Variants in ATP2A3 observed in about 807,000 individuals in gnomAD.
ATP2A3 encodes the protein sarcoplasmic/endoplasmic reticulum calcium ATPase 3.
Under a neutral mutation model 106.8 loss-of-function variants are expected in ATP2A3, and 61 were observed. The observed-to-expected ratio is 0.57, with a 90% CI of 0.46 to 0.71. The LOEUF (loss-of-function observed/expected upper bound fraction) is 0.71. Among genes scored for constraint, ATP2A3 ranks in the 30% least tolerant of loss-of-function variants. The probability of loss-of-function intolerance (pLI) is 0.00; values close to 1 mark genes in which losing one functional copy is unlikely to be tolerated. For missense variants in ATP2A3, 1,201 were observed against 1,423.5 expected, an observed-to-expected ratio of 0.84 and a Z score of 2.52; for synonymous variants, 611 against 609.3, an observed-to-expected ratio of 1.00 and a Z score of -0.04.
chr17:3,938,016 CG>C (rs1439384406), intron 14 of ATP2A3, among the ~76,000 whole-genome samples: 10 of 152,068 alleles, frequency 6.6e-5, no homozygotes, highest in South Asian at 4.1e-4. Flanking sequence ...GGGGATGGCC[CG>C]GGTAAAGAGC....
In ATP2A3 at chr17:3,938,548, T is replaced by A. The variant is rs140984226; in HGVS notation, c.2101-912A>T. On this transcript the variant is annotated intron_variant, in intron 14 of 20. Coordinates refer to ENST00000397041, the MANE Select transcript of ATP2A3 (RefSeq NM_005173.4). ...TCTTGGTCCAGGTCAAGACTGGAAT[T>A]CTTTTTTTTTGGTGGGGGACAGAGT... 3.6e-3 allele frequency among the ~76,000 whole-genome samples: 544 copies of A among 151,956 alleles called. 12 individuals are homozygous for A. The East Asian group carries it at 0.055, about 15-fold the overall frequency.
chr17:3,948,241 C>T (rs1235318054), intron 7 of ATP2A3, among the ~76,000 whole-genome samples: 1 of 152,250 alleles, frequency 6.6e-6, no homozygotes, highest in South Asian at 2.1e-4. Context: ...ACCCAATAAA[C>T]AGTCCATTAA....
At chr17:3,946,286 T>C (rs2054113840) in intron 8 of ATP2A3, among the ~76,000 whole-genome samples, 1 of 149,506 alleles carries the variant, frequency 6.7e-6, no homozygotes, top group Non-Finnish European at 1.5e-5. Flanking sequence ...GCACGGTGGC[T>C]CAGGGCTGAA....
At position 3,947,796 on chromosome 17, in the gene ATP2A3, C is replaced by T. The variant is rs1373173025; in HGVS notation, c.690G>A (p.Thr230=). 1.9e-5 allele frequency: 31 copies of T among 1,601,026 alleles called. No homozygotes were observed. Among genetic ancestry groups the T allele is most frequent in the African/African-American group, 2.7e-5 (2 of 74,958 alleles). ...TCTGGCTCCGGATCTTGCCCAGCTC[C>T]GTGTGCAGGCCGGTGGCCACGGCCA... ...VGVAVATGLH[T]ELGKIRSQMA... is the part of the protein sequence containing the mutation. The change falls in exon 8 of 21, where the codon ACG becomes ACA. Residue 230 remains threonine, a synonymous_variant. Coordinates refer to ENST00000397041, the MANE Select transcript of ATP2A3 (RefSeq NM_005173.4). This position sits in a 1 kb window ranked among gnomAD's most constrained non-coding sequence, Gnocchi z 7.7.
chr17:3,941,764 G>A, intron 12 of ATP2A3, 110 bp from the exon 13 acceptor site: 1 of 1,121,852 alleles, frequency 8.9e-7, no homozygotes, highest in Admixed American at 2.0e-5. Context: ...GGCCACCCAA[G>A]GGTACACACG....
chr17:3,924,487 C>G lies in ATP2A3; in HGVS notation c.*935G>C, dbSNP rs554696338. On this transcript the variant is annotated 3_prime_UTR_variant, in exon 21 of 21. Transcript: ENST00000397041. This position sits in a 1 kb window ranked among gnomAD's most constrained non-coding sequence, Gnocchi z 6.4. ...GAAGCCCACCAGGCTCAGAGGCCCC[C>G]AGCTGTGCAGACAGCGCGGCGGCCG... 3.6e-3 allele frequency: 1,030 copies of G among 283,972 alleles called. 1 individual carries two copies. The highest frequency in any genetic ancestry group is 5.9e-3 in the Non-Finnish European group (833 of 141,696). 17.6% of individuals were successfully genotyped at this position (283,972 alleles called of 1,614,324 possible).
Position 3,941,667 on chromosome 17 carries a change from G to GA in ATP2A3, c.1546-14dup. 6.2e-7 allele frequency: 1 copy of GA among 1,603,312 alleles called. No individual in the cohort carries two copies. The highest frequency in any genetic ancestry group is 8.5e-7 in the Non-Finnish European group (1 of 1,179,734). On this transcript the variant is annotated splice_polypyrimidine_tract_variant and intron_variant, in intron 12 of 20. Coordinates refer to ENST00000397041, the MANE Select transcript of ATP2A3 (RefSeq NM_005173.4). ...TCTCAGGAGCCCCCTGCGAGGTGGGGAGAGGGAGAAGAGGTAACTCATCAG... is the reference window on the plus strand; with the variant it reads ...TCTCAGGAGCCCCCTGCGAGGTGGGGAAGAGGGAGAAGAGGTAACTCATCAG...
chr17:3,946,571 C>G (rs997931094), intron 8 of ATP2A3, among the ~76,000 whole-genome samples: 1 of 152,024 alleles, frequency 6.6e-6, no homozygotes, highest in African/African-American at 2.4e-5. Context: ...AAAAAAAAAT[C>G]GCTATTAGTC....
chr17:3,943,930 C>G (rs2053932897), intron 10 of ATP2A3, among the ~76,000 whole-genome samples: 1 of 152,188 alleles, frequency 6.6e-6, no homozygotes, highest in Admixed American at 6.5e-5. Flanking sequence ...CTCCCACTCT[C>G]TGTATTTGCC....
At chr17:3,950,816 C>T in intron 5 of ATP2A3, 43 bp from the exon 6 acceptor site, 2 of 1,592,654 alleles carry the variant, frequency 1.3e-6, no homozygotes, top group Non-Finnish European at 1.7e-6. Context: ...CTTTGGGCAC[C>T]ACCAGCTGGG....
rs116863371 is a variant in ATP2A3 at position 3,944,321 on chromosome 17, G to T, written c.1287+383C>A. ...CCCTTTGGGCAGACGCCTGCTGCAT[G>T]CCCCATTCCACTGCCCCGGCCACGT... On this transcript the variant is annotated intron_variant, in intron 10 of 20. Transcript: ENST00000397041. 1.3e-3 allele frequency among the ~76,000 whole-genome samples: 202 copies of T among 152,340 alleles called. 4 individuals are homozygous for T. The East Asian group carries it at 0.031, about 23-fold the overall frequency.
chr17:3,944,302 G>A (rs2053958436), intron 10 of ATP2A3, among the ~76,000 whole-genome samples: 1 of 152,160 alleles, frequency 6.6e-6, no homozygotes, highest in East Asian at 1.9e-4. Flanking sequence ...ACCTCCCTTT[G>A]GGCAGACGCC....
At chr17:3,949,962 G>A (rs1483397762) in intron 7 of ATP2A3, among the ~76,000 whole-genome samples, 1 of 151,758 alleles carries the variant, frequency 6.6e-6, no homozygotes, top group Non-Finnish European at 1.5e-5. Context: ...AGGAGTTCGA[G>A]ACCAGCCTGG....
rs757072652 is a variant in ATP2A3, at chr17:3,925,354, G to A, written c.*68C>T. 23 of 1,613,142 alleles carry A rather than the reference G, an allele frequency of 1.4e-5. No homozygotes were observed. The highest frequency in any genetic ancestry group is 1.9e-5 in the Non-Finnish European group (22 of 1,179,696). On this transcript the variant is annotated 3_prime_UTR_variant, in exon 21 of 21. Transcript: ENST00000397041. The surrounding 1 kb of genome is among the most constrained non-coding windows in gnomAD (Gnocchi z 4.2). ...GCGAGTGTGGTGGCAAGGGTGGGGG[G>A]CGGAGGCGAACACATGGGCACCATC...
rs192488091 is a variant in ATP2A3 at position 3,929,086 on chromosome 17, C to T, written c.2862+242G>A. 2.3e-4 allele frequency among the ~76,000 whole-genome samples: 35 copies of T among 152,290 alleles called. 1 individual carries two copies. In the South Asian group the frequency reaches 6.4e-3, roughly 28 times the overall value. On this transcript the variant is annotated intron_variant, in intron 19 of 20. Transcript: ENST00000397041. This position sits in a 1 kb window ranked among gnomAD's most constrained non-coding sequence, Gnocchi z 4.3. ...GGGAGGATTCTGCCCTGGGAAAGCT[C>T]GTCCTTCCTCCCACCCCAGCCTGGG...
chr17:3,928,208 C>T lies in ATP2A3; in HGVS notation c.2980+455G>A. 1 of 1,612,612 alleles carries T rather than the reference C, an allele frequency of 6.2e-7. No homozygotes were observed. Among genetic ancestry groups the T allele is most frequent in the Non-Finnish European group, 8.5e-7 (1 of 1,179,062 alleles). On this transcript the variant is annotated intron_variant, in intron 20 of 20. Transcript: ENST00000397041. The surrounding 1 kb of genome is among the most constrained non-coding windows in gnomAD (Gnocchi z 6.1). ...AGCTCAGAAACAACCCTCCCCTTGA[C>T]CCACCCACAAGGTGATACCAAAGAG...
chr17:3,956,376 C>A (rs923223791), intron 1 of ATP2A3, among the ~76,000 whole-genome samples: 11 of 152,100 alleles, frequency 7.2e-5, no homozygotes, highest in African/African-American at 2.7e-4. Flanking sequence ...GATGTGTATT[C>A]GTGCCAGGTT....
At chr17:3,949,498 G>C (rs2054297583) in intron 7 of ATP2A3, among the ~76,000 whole-genome samples, 1 of 152,190 alleles carries the variant, frequency 6.6e-6, no homozygotes. Flanking sequence ...CCTTCCTCTA[G>C]AGCATTTCTA....
In ATP2A3 at chr17:3,953,556, G is replaced by C; in HGVS notation, c.137-127C>G. ...ACTCAGAAGAGGGAGAACCCAGGTC[G>C]CTGAGAGGCTCAGGTGGGTGATCCT... On this transcript the variant is annotated intron_variant, in intron 2 of 20. Transcript: ENST00000397041. The surrounding 1 kb of genome is among the most constrained non-coding windows in gnomAD (Gnocchi z 5.1). 1 of 1,480,388 alleles carries C rather than the reference G, an allele frequency of 6.8e-7. No homozygotes were observed. The highest frequency in any genetic ancestry group is 1.2e-5 in the South Asian group (1 of 84,828). The allele number at this position is 1,480,388 out of a possible 1,614,324, so 91.7% of individuals were successfully genotyped here.
Sources: gnomAD v4.1 joint callset for allele counts (sites outside exome capture counted in the v4.1 genomes callset) on GRCh38, gnomAD v4.1.1 for gene constraint, Gnocchi (gnomAD v3.1) non-coding constraint, MANE v1.5 for transcripts, NCBI Gene and HGNC (gene_info 2026-07-23, HGNC 2026-07-21) for gene names.